The following CELA2A variants were observed in gnomAD, a reference collection of about 807,000 sequenced individuals.
CELA2A encodes the protein chymotrypsin like elastase 2A.
CELA2A carries 31 observed loss-of-function variants against 35.3 expected under a neutral mutation model. That is an observed-to-expected ratio of 0.88 (90% confidence interval 0.66 to 1.19). The LOEUF is 1.19. Among genes scored for constraint, CELA2A ranks in the 50% most tolerant of loss-of-function variants. The pLI is 0.00. For synonymous variants in CELA2A, 150 were observed against 149.8 expected (o/e 1.00, Z -0.01); for missense variants, 330 against 352.9 (o/e 0.94, Z 0.52).
intron 3 of CELA2A, among the ~76,000 whole-genome samples, chr1:15,462,457 C>A (rs1370627684): frequency 6.6e-6 from 1 of 152,326 alleles, no homozygotes; most frequent in Non-Finnish European, 1.5e-5. Flanking sequence ...CTGTGTTCAT[C>A]TCATTCCCTC....
At chr1:15,465,920 GA>G in intron 5 of CELA2A, 78 bp from the exon 6 acceptor site, 1 of 1,533,900 alleles carries the variant, frequency 6.5e-7, no homozygotes, top group Non-Finnish European at 9.0e-7. Flanking sequence ...AGGAACAGGG[GA>G]AACCTAAGAC....
At chr1:15,471,580 C>T (rs1708594695) in intron 7 of CELA2A, among the ~76,000 whole-genome samples, 7 of 151,362 alleles carry the variant, frequency 4.6e-5, no homozygotes, top group Admixed American at 4.6e-4. Context: ...AAAAAAAAAA[C>T]GTTTAACAGA....
chr1:15,460,800 T>G (rs1216387636), intron 2 of CELA2A, among the ~76,000 whole-genome samples: 1 of 151,882 alleles, frequency 6.6e-6, no homozygotes, highest in African/African-American at 2.4e-5. Flanking sequence ...GCCTTCTGAG[T>G]AACCGGGACT....
chr1:15,471,430 C>G (rs750901541), intron 7 of CELA2A, among the ~76,000 whole-genome samples: 1 of 152,152 alleles, frequency 6.6e-6, no homozygotes, highest in Non-Finnish European at 1.5e-5. Context: ...TGACTATAAT[C>G]TCAGCTACCC....
intron 2 of CELA2A, among the ~76,000 whole-genome samples, chr1:15,460,253 C>T (rs1393416781): frequency 1.3e-5 from 2 of 151,930 alleles, no homozygotes; most frequent in Admixed American, 6.6e-5. Context: ...ACACATAATA[C>T]GTATTATGTG....
rs147045735 is a variant in CELA2A at position 15,467,537 on chromosome 1, C to T, written c.791C>T (p.Ser264Leu). ...RVSNYIDWIN[S>L]VIANN ...TCCAATTACATCGACTGGATCAATT[C>T]GGTAAGAACCGGACCAGCCCTGAGC... Residue 264 changes from serine to leucine, a missense_variant and splice_region_variant, in exon 7 of 8, where the codon TCG becomes TTG. Transcript: ENST00000359621. 156 of 1,613,990 alleles carry T rather than the reference C, an allele frequency of 9.7e-5. No individual in the cohort carries two copies. Among genetic ancestry groups the T allele is most frequent in the East Asian group, 2.5e-4 (11 of 44,886 alleles).
chr1:15,464,413 A>G (rs1260235369), intron 5 of CELA2A, among the ~76,000 whole-genome samples: 1 of 152,154 alleles, frequency 6.6e-6, no homozygotes, highest in Non-Finnish European at 1.5e-5. Flanking sequence ...CACCAAGAGG[A>G]ACAGAGTTCC....
Position 15,462,876 on chromosome 1 carries a change from G to C in CELA2A, c.356+15G>C. 6.2e-7 allele frequency: 1 copy of C among 1,614,026 alleles called. No homozygotes were observed. Among genetic ancestry groups the C allele is most frequent in the South Asian group, 1.1e-5 (1 of 91,070 alleles). On this transcript the variant is annotated intron_variant, in intron 4 of 7. Coordinates refer to ENST00000359621, the MANE Select transcript of CELA2A (RefSeq NM_033440.3). ...ATCTCCAAAGGGTTCGTTTCTGTCT[G>C]GGTGCACTTGGGGGTGAGGTTGTCA...
Position 15,466,113 on chromosome 1 carries a change from C to T in CELA2A, c.608C>T (p.Ala203Val). The T allele has an allele frequency of 6.2e-7, 1 of 1,614,098 alleles. No individual in the cohort carries two copies. Among genetic ancestry groups the T allele is most frequent in the East Asian group, 2.2e-5 (1 of 44,886 alleles). ...GSSVKTSMICAGGDGVISSCN... is the reference protein window; with the variant it reads ...GSSVKTSMICVGGDGVISSCN... ...AGCGTGAAAACCAGTATGATCTGTG[C>T]TGGGGGTGATGGCGTGATCTCCAGC... The change falls in exon 6 of 8, where the codon GCT (alanine) becomes GTT (valine). Residue 203 changes from alanine (A) to valine (V), a missense_variant. Coordinates refer to ENST00000359621, the MANE Select transcript of CELA2A (RefSeq NM_033440.3).
intron 4 of CELA2A, 137 bp from the exon 5 acceptor site, chr1:15,463,249 T>A (rs1479502304): frequency 1.5e-6 from 2 of 1,358,972 alleles, no homozygotes; most frequent in Admixed American, 4.4e-5. Context: ...TTTTCAAACA[T>A]GCCCTGGGGC....
chr1:15,465,304 C>T (rs539695639), intron 5 of CELA2A, among the ~76,000 whole-genome samples: 2 of 151,884 alleles, frequency 1.3e-5, no homozygotes, highest in East Asian at 1.9e-4. Context: ...GCACCGCGCC[C>T]GACCGACACT....
intron 5 of CELA2A, among the ~76,000 whole-genome samples, chr1:15,463,738 A>T (rs1341127778): frequency 6.6e-6 from 1 of 152,120 alleles, no homozygotes; most frequent in African/African-American, 2.4e-5. Context: ...TCCATGCAGC[A>T]CTTTTTTCAT....
chr1:15,457,044 G>C, intron 1 of CELA2A, 42 bp from the exon 2 acceptor site: 1 of 1,569,762 alleles, frequency 6.4e-7, no homozygotes, highest in Non-Finnish European at 8.8e-7. Context: ...TACATTGTGT[G>C]GGTCGCTGCT....
chr1:15,467,091 C>T (rs952699450), intron 6 of CELA2A, among the ~76,000 whole-genome samples: 3 of 152,194 alleles, frequency 2.0e-5, no homozygotes, highest in African/African-American at 7.2e-5. Context: ...AACCTCTCAA[C>T]ACTCCAGTTT....
intron 6 of CELA2A, 94 bp downstream of exon 6, chr1:15,466,238 C>G: frequency 5.7e-6 from 8 of 1,409,188 alleles, no homozygotes; most frequent in Non-Finnish European, 7.8e-6. Context: ...ATCCTCCCAC[C>G]TCCTGGCAGA....
chr1:15,470,827 C>T (rs1384498920), intron 7 of CELA2A, among the ~76,000 whole-genome samples: 5 of 152,070 alleles, frequency 3.3e-5, no homozygotes, highest in African/African-American at 9.7e-5. Flanking sequence ...GTGATCTGCC[C>T]GCCTTGGCCT....
chr1:15,463,338 CA>C, intron 4 of CELA2A, 47 bp from the exon 5 acceptor site: 1 of 1,611,426 alleles, frequency 6.2e-7, no homozygotes, highest in Non-Finnish European at 8.5e-7. Context: ...GCCCACAGGG[CA>C]GGAAAAGTCA....
chr1:15,462,946 C>T, intron 4 of CELA2A, 85 bp downstream of exon 4: 1 of 1,566,970 alleles, frequency 6.4e-7, no homozygotes, highest in Non-Finnish European at 8.8e-7. Context: ...TCAACCACAC[C>T]ACACCCCCTC....
Position 15,457,072 on chromosome 1 carries a change from T to G in CELA2A, c.41-14T>G. 1 of 1,613,076 alleles carries G rather than the reference T, an allele frequency of 6.2e-7. No individual in the cohort carries two copies. Among genetic ancestry groups the G allele is most frequent in the Non-Finnish European group, 8.5e-7 (1 of 1,179,070 alleles). ...TCGCTGCTTCCTGACTCAAGACCCT[T>G]TCTCTTTTCACAGCCCTCAGTTGTG... On this transcript the variant is annotated splice_polypyrimidine_tract_variant and intron_variant, in intron 1 of 7. Transcript: ENST00000359621.
Sources: allele counts gnomAD v4.1 joint callset (sites outside exome capture counted in the v4.1 genomes callset), GRCh38; gene constraint gnomAD v4.1.1; transcripts MANE v1.5; gene names NCBI Gene and HGNC (gene_info 2026-07-23, HGNC 2026-07-21).